Variants in WNT9A observed in about 807,000 individuals in gnomAD.
WNT9A encodes Wnt family member 9A.
Under a neutral mutation model 31.4 loss-of-function variants are expected in WNT9A, and 8 were observed. The observed-to-expected ratio is 0.26, with a 90% CI of 0.15 to 0.46. The LOEUF is 0.46. Among genes scored for constraint, WNT9A ranks in the 20% least tolerant of loss-of-function variants. The pLI, the probability that WNT9A is intolerant of heterozygous loss-of-function variation, is 0.99. For missense variants in WNT9A, 457 were observed against 522.9 expected, an observed-to-expected ratio of 0.87 and a Z score of 1.23; for synonymous variants, 236 against 220.1, an observed-to-expected ratio of 1.07 and a Z score of -0.64.
intron 2 of WNT9A, among the ~76,000 whole-genome samples, chr1:227,924,715 C>T (rs998666112): frequency 1.3e-5 from 2 of 152,242 alleles, no homozygotes; most frequent in African/African-American, 4.8e-5. Flanking sequence ...CAAGGCCTGC[C>T]TGGCCCTGGG....
intron 1 of WNT9A, among the ~76,000 whole-genome samples, chr1:227,934,384 C>G (rs1404501836): frequency 1.3e-5 from 2 of 152,148 alleles, no homozygotes; most frequent in Non-Finnish European, 2.9e-5. Context: ...CTGGTTTTGT[C>G]AGTTTCATCT....
chr1:227,931,313 T>G (rs1047975428), intron 1 of WNT9A, among the ~76,000 whole-genome samples: 1 of 152,180 alleles, frequency 6.6e-6, no homozygotes, highest in African/African-American at 2.4e-5. Context: ...TTCACGTCTG[T>G]GTTTGTGATT....
intron 1 of WNT9A, among the ~76,000 whole-genome samples, chr1:227,941,337 G>A (rs1362493863): frequency 6.6e-6 from 1 of 152,014 alleles, no homozygotes; most frequent in Admixed American, 6.5e-5. Flanking sequence ...GGGAGAGAAG[G>A]ATGCATCTGA....
At chr1:227,947,725 C>A (rs1666818473) in intron 1 of WNT9A, 68 bp downstream of exon 1, 2 of 974,560 alleles carry the variant, frequency 2.1e-6, no homozygotes, top group Non-Finnish European at 2.5e-6. Context: ...CTCGGGGACT[C>A]CGGACGACCC....
chr1:227,937,798 C>A (rs1666621368), intron 1 of WNT9A, among the ~76,000 whole-genome samples: 1 of 152,244 alleles, frequency 6.6e-6, no homozygotes, highest in South Asian at 2.1e-4. Context: ...TTGTTTTAGG[C>A]CAGCCAGTCT....
chr1:227,935,798 TTTTTTGTAA>T (rs1666584893), intron 1 of WNT9A, among the ~76,000 whole-genome samples: 1 of 152,236 alleles, frequency 6.6e-6, no homozygotes, highest in African/African-American at 2.4e-5. Flanking sequence ...TTGCACAATA[TTTTTTGTAA>T]TTTCCACAGT....
intron 1 of WNT9A, among the ~76,000 whole-genome samples, chr1:227,941,408 T>C (rs555292561): frequency 4.9e-4 from 74 of 149,774 alleles, no homozygotes; most frequent in African/African-American, 1.7e-3. Context: ...GAGAATAGAA[T>C]GCATCTGAAG....
At chr1:227,940,105 C>A (rs539323636) in intron 1 of WNT9A, among the ~76,000 whole-genome samples, 1 of 152,274 alleles carries the variant, frequency 6.6e-6, no homozygotes, top group South Asian at 2.1e-4. Flanking sequence ...CCCATGGCAG[C>A]CCCTGGAATA....
chr1:227,924,311 G>T lies in WNT9A; in HGVS notation c.442C>A (p.Arg148Ser). Reference sequence around the variant, plus strand: ...TCGGGTGCCTCATCGCAGGTACAGCGCTCCATGCGGCCCGCGCTGCACGCC... The same window carrying T: ...TCGGGTGCCTCATCGCAGGTACAGCTCTCCATGCGGCCCGCGCTGCACGCC... ...AKACSAGRME[R>S]CTCDEAPDLE... The change falls in exon 3 of 4, where the codon CGC (arginine) becomes AGC (serine). Residue 148 changes from arginine (R) to serine (S), a missense_variant. Coordinates refer to ENST00000272164, the MANE Select transcript of WNT9A (RefSeq NM_003395.4). The T allele has an allele frequency of 1.9e-6, 3 of 1,613,702 alleles. No individual in the cohort carries two copies. The highest frequency in any genetic ancestry group is 1.7e-6 in the Non-Finnish European group (2 of 1,179,990).
At chr1:227,938,220 C>T (rs1212060969) in intron 1 of WNT9A, among the ~76,000 whole-genome samples, 2 of 151,764 alleles carry the variant, frequency 1.3e-5, no homozygotes, top group Non-Finnish European at 2.9e-5. Context: ...CCCCCCCACA[C>T]AGATACACCC....
chr1:227,924,768 G>A (rs2102718529), intron 2 of WNT9A, among the ~76,000 whole-genome samples: 1 of 152,380 alleles, frequency 6.6e-6, no homozygotes, highest in East Asian at 1.9e-4. Context: ...CAGTGCAGTG[G>A]CACACAGCTG....
chr1:227,918,705 T>A lies in WNT9A; in HGVS notation c.*2813A>T, dbSNP rs1666255990. ...ATGTTTCCATTTGTTTCTGGTTCTG[T>A]GACACAAAGCTGTTAAATAAATACA... On this transcript the variant is annotated 3_prime_UTR_variant, in exon 4 of 4. Transcript: ENST00000272164. 1 of 152,278 alleles carries A rather than the reference T, an allele frequency of 6.6e-6. No homozygotes were observed. The highest frequency in any genetic ancestry group is 1.5e-5 in the Non-Finnish European group (1 of 68,068). The allele number at this position is 152,278 out of a possible 1,614,324, so 9.4% of individuals were successfully genotyped here. A position where few individuals can be genotyped will look rare whatever the true frequency, so the allele number is the denominator to read the frequency against.
intron 1 of WNT9A, among the ~76,000 whole-genome samples, chr1:227,930,942 T>C (rs1184518651): frequency 6.6e-6 from 1 of 150,934 alleles, no homozygotes; most frequent in African/African-American, 2.4e-5. Context: ...GAGGTTGCGA[T>C]GAGCCGAGAT....
intron 1 of WNT9A, among the ~76,000 whole-genome samples, chr1:227,927,086 G>A (rs1207625825): frequency 2.6e-5 from 4 of 152,132 alleles, no homozygotes; most frequent in Non-Finnish European, 4.4e-5. Flanking sequence ...CCCCTAAGCT[G>A]CGGTCTGCTT....
At chr1:227,940,703 C>A (rs1005796905) in intron 1 of WNT9A, among the ~76,000 whole-genome samples, 3 of 152,242 alleles carry the variant, frequency 2.0e-5, no homozygotes, top group Non-Finnish European at 2.9e-5. Flanking sequence ...CTAAAAAAAA[C>A]AAATGCAGCC....
rs918432338 is a variant in WNT9A at position 227,928,751 on chromosome 1, G to A, written c.96-3232C>T. On this transcript the variant is annotated intron_variant, in intron 1 of 3. Transcript: ENST00000272164. This position sits in a 1 kb window ranked among gnomAD's most constrained non-coding sequence, Gnocchi z 4.5. The stretch of plus-strand genomic sequence containing the variant: ...AGGTGGGGCTCTCTTTCTGCCACAC[G>A]ACAGAGCCACAGAAGGGCTGAAGAA... Among the ~76,000 whole-genome samples the A allele has an allele frequency of 2.6e-5, 4 of 152,156 alleles. No homozygotes were observed. The East Asian group carries it at 5.8e-4, about 22-fold the overall frequency.
chr1:227,938,622 T>C lies in WNT9A; in HGVS notation c.95+9171A>G, dbSNP rs143996977. Among the ~76,000 whole-genome samples the C allele has an allele frequency of 5.9e-3, 904 of 152,252 alleles. 7 individuals carry two copies. Among genetic ancestry groups the C allele is most frequent in the African/African-American group, 0.02 (842 of 41,532 alleles). On this transcript the variant is annotated intron_variant, in intron 1 of 3. Coordinates refer to ENST00000272164, the MANE Select transcript of WNT9A (RefSeq NM_003395.4). ...CCACATGCATACATGTATACACACA[T>C]GCACATGTCCATCCAAACACAAACA...
At chr1:227,922,362 C>T (rs114666290) in intron 3 of WNT9A, among the ~76,000 whole-genome samples, 3 of 152,322 alleles carry the variant, frequency 2.0e-5, no homozygotes, top group East Asian at 1.9e-4. Context: ...CCAGTCCTGC[C>T]GGGACTTCAC....
intron 1 of WNT9A, among the ~76,000 whole-genome samples, chr1:227,933,002 G>C (rs376992379): frequency 2.6e-5 from 4 of 152,352 alleles, no homozygotes; most frequent in African/African-American, 9.6e-5. Context: ...GTTACCAGCT[G>C]CATTAGCCCC....
Sources: allele counts gnomAD v4.1 joint callset (sites outside exome capture counted in the v4.1 genomes callset), GRCh38; gene constraint gnomAD v4.1.1; non-coding constraint Gnocchi (gnomAD v3.1); transcripts MANE v1.5; gene names NCBI Gene and HGNC (gene_info 2026-07-23, HGNC 2026-07-21).